NFX1: variants seen among roughly 807,000 people sequenced by gnomAD.
NFX1 encodes the protein transcriptional repressor NF-X1.
Under a neutral mutation model 137.2 loss-of-function variants are expected in NFX1, and 69 were observed. The observed-to-expected ratio is 0.50, with a 90% CI of 0.41 to 0.61. NFX1 has a LOEUF of 0.61. Among genes scored for constraint, NFX1 ranks in the 20% least tolerant of loss-of-function variants. The pLI is 0.00. For missense variants in NFX1, 1,167 were observed against 1,391.0 expected, an observed-to-expected ratio of 0.84 and a Z score of 2.56; for synonymous variants, 495 against 474.1, an observed-to-expected ratio of 1.04 and a Z score of -0.57.
At chr9:33,360,239 G>C (rs1262023971) in intron 19 of NFX1, among the ~76,000 whole-genome samples, 1 of 152,192 alleles carries the variant, frequency 6.6e-6, no homozygotes, top group East Asian at 1.9e-4. Context: ...GAGTCAGATT[G>C]TCTGGATTTG....
At chr9:33,362,993 C>T (rs1824050103) in intron 19 of NFX1, among the ~76,000 whole-genome samples, 2 of 151,750 alleles carry the variant, frequency 1.3e-5, no homozygotes, top group South Asian at 2.1e-4. Context: ...CGTGAGCCAC[C>T]GTACCCAGCC....
intron 19 of NFX1, among the ~76,000 whole-genome samples, chr9:33,355,737 C>A (rs548017001): frequency 6.6e-6 from 1 of 150,796 alleles, no homozygotes; most frequent in African/African-American, 2.4e-5. Flanking sequence ...CTCTGCCTCC[C>A]GGGTTCAAGC....
Position 33,347,984 on chromosome 9 carries a change from CA to C in NFX1, c.2424+870del, listed in dbSNP as rs1208857002. ...AAGAGGGAGCTAAGCTATGAGGACG[CA>C]AAGGCATGAGAATGATACAATGGAC... On this transcript the variant is annotated intron_variant, in intron 15 of 23. Coordinates refer to ENST00000379540, the MANE Select transcript of NFX1 (RefSeq NM_002504.6). 1.1e-4 allele frequency: 17 copies of C among 155,058 alleles called. 1 individual carries two copies. Among genetic ancestry groups the C allele is most frequent in the Non-Finnish European group, 7.2e-5 (5 of 69,808 alleles). The allele number at this position is 155,058 out of a possible 1,614,324, so 9.6% of individuals were successfully genotyped here. A position where few individuals can be genotyped will look rare whatever the true frequency, so the allele number is the denominator to read the frequency against.
intron 14 of NFX1, 27 bp downstream of exon 14, chr9:33,344,215 C>G (rs1181869124): frequency 6.2e-7 from 1 of 1,612,574 alleles, no homozygotes; most frequent in Non-Finnish European, 8.5e-7. Context: ...CTTCACACTT[C>G]AGCCTGCTCA....
chr9:33,364,742 G>C lies in NFX1; in HGVS notation c.3007G>C (p.Glu1003Gln), dbSNP rs1288017220. 6.2e-7 allele frequency: 1 copy of C among 1,613,686 alleles called. No homozygotes were observed. Among genetic ancestry groups the C allele is most frequent in the Non-Finnish European group, 8.5e-7 (1 of 1,179,926 alleles). ...AAAGTTTGTCAGTGACGTTGAGAAG[G>C]AAATGGAAACCCTCGTGGAGGCCGT... ...DLKFVSDVEKEMETLVEAVNK... is the reference protein window; with the variant it reads ...DLKFVSDVEKQMETLVEAVNK... Residue 1003 changes from glutamate (E) to glutamine (Q), a missense_variant, in exon 21 of 24, where the codon GAA becomes CAA. Glu to Gln is a conservative substitution (Grantham distance 29, BLOSUM62 2). This residue lies in a region of NFX1 where 312 missense variants were observed against 312.8 expected (regional missense o/e 1.00). Transcript: ENST00000379540.
At position 33,329,667 on chromosome 9, in the gene NFX1, T is replaced by C. The variant is rs193151313; in HGVS notation, c.2004+989T>C. 3.8e-3 allele frequency among the ~76,000 whole-genome samples: 578 copies of C among 151,626 alleles called. 3 individuals are homozygous for C. The highest frequency in any genetic ancestry group is 0.013 in the African/African-American group (556 of 41,306). On this transcript the variant is annotated intron_variant, in intron 10 of 23. Transcript: ENST00000379540. The stretch of plus-strand genomic sequence containing the variant: ...TTCTTTTTTTTTTTTTAATTTTATT[T>C]ATTTATTTTGAGACAGAGTCTCACT...
Position 33,366,781 on chromosome 9 carries a change from C to A in NFX1, c.3185+7C>A. 1 of 1,612,104 alleles carries A rather than the reference C, an allele frequency of 6.2e-7. No individual in the cohort carries two copies. The highest frequency in any genetic ancestry group is 1.1e-5 in the South Asian group (1 of 91,000). ...TGGTGGTCACTGCCATCAGGTAGGT[C>A]AATCCCGCCGTCAGAGGAAGAACTC... On this transcript the variant is annotated splice_region_variant and intron_variant, in intron 22 of 23. Transcript: ENST00000379540.
chr9:33,349,740 CGT>C (rs747135716), intron 15 of NFX1, among the ~76,000 whole-genome samples: 2 of 151,848 alleles, frequency 1.3e-5, no homozygotes, highest in African/African-American at 2.4e-5. Context: ...GACAGGACTG[CGT>C]GAAGCTGTGG....
chr9:33,363,989 A>G (rs767065632), intron 19 of NFX1, 21 bp from the exon 20 acceptor site: 4 of 1,516,966 alleles, frequency 2.6e-6, no homozygotes, highest in African/African-American at 2.8e-5. Context: ...TTTTATTTGC[A>G]TACCTCTCTC....
At chr9:33,291,430 T>G (rs1377635198) in intron 1 of NFX1, among the ~76,000 whole-genome samples, 2 of 152,358 alleles carry the variant, frequency 1.3e-5, no homozygotes, top group Non-Finnish European at 2.9e-5. Context: ...GCCCACTGCC[T>G]TCATTTGATT....
rs1257577515 is a variant in NFX1, at chr9:33,294,454, C to A, written c.60C>A (p.Phe20Leu). Residue 20 changes from phenylalanine to leucine, a missense_variant, in exon 2 of 24, where the codon TTC becomes TTA. This residue lies in a region of NFX1 where 367 missense variants were observed against 386.7 expected (regional missense o/e 0.95). Transcript: ENST00000379540. ...AATTCAATACAGATGCTGCTGAATT[C>A]ATTCCTCAGGAGAAAAAAAATTCTG... ...TFKFNTDAAE[F>L]IPQEKKNSGL... 1.3e-6 allele frequency: 2 copies of A among 1,596,072 alleles called. No individual in the cohort carries two copies. The highest frequency in any genetic ancestry group is 1.1e-5 in the South Asian group (1 of 88,736).
chr9:33,294,733 G>C lies in NFX1; in HGVS notation c.339G>C (p.Lys113Asn). The C allele has an allele frequency of 6.2e-7, 1 of 1,613,946 alleles. No individual in the cohort carries two copies. The highest frequency in any genetic ancestry group is 1.3e-5 in the African/African-American group (1 of 74,996). The change falls in exon 2 of 24, where the codon AAG (lysine) becomes AAC (asparagine). Residue 113 changes from lysine (K) to asparagine (N), a missense_variant. Coordinates refer to ENST00000379540, the MANE Select transcript of NFX1 (RefSeq NM_002504.6). Reference protein sequence around the residue: ...NQPWQKLRNEKHHIRVKKAQS... With the variant: ...NQPWQKLRNENHHIRVKKAQS... Reference sequence around the variant, plus strand: ...CTTGGCAGAAATTGAGGAATGAGAAGCACCATATCAGAGTCAAGAAAGCAC... The same window carrying C: ...CTTGGCAGAAATTGAGGAATGAGAACCACCATATCAGAGTCAAGAAAGCAC...
Position 33,295,429 on chromosome 9 carries a change from TA to T in NFX1, c.1033+5del. 6.2e-7 allele frequency: 1 copy of T among 1,601,300 alleles called. No individual in the cohort carries two copies. Among genetic ancestry groups the T allele is most frequent in the Non-Finnish European group, 8.5e-7 (1 of 1,171,028 alleles). On this transcript the variant is annotated splice_donor_region_variant and intron_variant, in intron 2 of 23. Coordinates refer to ENST00000379540, the MANE Select transcript of NFX1 (RefSeq NM_002504.6). The stretch of plus-strand genomic sequence containing the variant: ...TAAAGAATGTGGAAACGCACACAGG[TA>T]AACCTACCTAGATAGGAAATATTTT...
At chr9:33,356,712 C>T (rs756304158) in intron 19 of NFX1, among the ~76,000 whole-genome samples, 6 of 152,118 alleles carry the variant, frequency 3.9e-5, no homozygotes, top group African/African-American at 1.2e-4. Flanking sequence ...CTTTTTTCCA[C>T]GTGAATATCC....
chr9:33,317,256 A>G (rs1285864856), intron 7 of NFX1, among the ~76,000 whole-genome samples: 3 of 151,252 alleles, frequency 2.0e-5, no homozygotes, highest in Non-Finnish European at 4.4e-5. Flanking sequence ...CCATCTCTAC[A>G]AAAAATACAA....
chr9:33,359,454 C>T (rs1309292656), intron 19 of NFX1, among the ~76,000 whole-genome samples: 1 of 152,052 alleles, frequency 6.6e-6, no homozygotes, highest in African/African-American at 2.4e-5. Context: ...CAAAAATTAG[C>T]CGGGCATGGT....
intron 17 of NFX1, 109 bp downstream of exon 17, chr9:33,352,828 C>A (rs112101294): frequency 1.2e-6 from 1 of 820,486 alleles, no homozygotes; most frequent in Non-Finnish European, 2.1e-6. Flanking sequence ...GGAGAAGAAA[C>A]GAAGTCTGTA....
Position 33,294,941 on chromosome 9 carries a change from A to G in NFX1, c.547A>G (p.Lys183Glu), listed in dbSNP as rs1821296883. Residue 183 changes from lysine to glutamate, a missense_variant, in exon 2 of 24, where the codon AAA becomes GAA. Lys to Glu is a moderately conservative substitution (Grantham distance 56). Coordinates refer to ENST00000379540, the MANE Select transcript of NFX1 (RefSeq NM_002504.6). ...QFVYSYGRGP[K>E]VKGKLKCEWS... ...TGTATACAGCTATGGTAGAGGACCA[A>G]AAGTCAAGGGGAAACTCAAATGTGA... 1.2e-6 allele frequency: 2 copies of G among 1,614,076 alleles called. No homozygotes were observed. The highest frequency in any genetic ancestry group is 8.5e-7 in the Non-Finnish European group (1 of 1,180,038).
intron 9 of NFX1, among the ~76,000 whole-genome samples, chr9:33,322,199 T>TA (rs1219056416): frequency 7.2e-6 from 1 of 138,310 alleles, no homozygotes; most frequent in African/African-American, 2.7e-5. Context: ...AGACTCCATC[T>TA]CGAAAAAAAA....
Sources: gnomAD v4.1 joint callset for allele counts (sites outside exome capture counted in the v4.1 genomes callset) on GRCh38, gnomAD v4.1.1 for gene constraint, gnomAD v4.1.1 regional missense constraint, MANE v1.5 for transcripts, NCBI Gene and HGNC (gene_info 2026-07-23, HGNC 2026-07-21) for gene names.